NTRK2: variants seen among roughly 807,000 people sequenced by gnomAD.
NTRK2 encodes neurotrophic receptor tyrosine kinase 2, also known as BDNF/NT-3 growth factors receptor.
A neutral mutation model predicts 94.5 loss-of-function variants in NTRK2; 13 were observed. That is an observed-to-expected ratio of 0.14 (90% CI 0.09 to 0.22). NTRK2 has a LOEUF of 0.22. Ranked by LOEUF, NTRK2 falls within the 10% of genes least tolerant of loss-of-function variation. The pLI is 1.00. For missense variants in NTRK2, 639 were observed against 1,071.2 expected, an observed-to-expected ratio of 0.60 and a Z score of 5.63; for synonymous variants, 372 against 407.4, an observed-to-expected ratio of 0.91 and a Z score of 1.05.
chr9:84,763,860 C>T (rs1452102080), intron 12 of NTRK2, among the ~76,000 whole-genome samples: 1 of 151,186 alleles, frequency 6.6e-6, no homozygotes, highest in African/African-American at 2.4e-5. Context: ...TTTCTTTGGT[C>T]CCTTGCAGTC....
At chr9:84,969,066 T>G (rs1053483786) in intron 17 of NTRK2, among the ~76,000 whole-genome samples, 2 of 152,230 alleles carry the variant, frequency 1.3e-5, no homozygotes, top group African/African-American at 4.8e-5. Flanking sequence ...CCACACTTCA[T>G]GCATTGTTGG....
rs201285049 is a variant in NTRK2, at chr9:84,874,369, T to A, written c.1633+6938T>A. 59 of 1,065,304 alleles carry A rather than the reference T, an allele frequency of 5.5e-5. 2 individuals are homozygous for A. In the South Asian group the frequency reaches 2.4e-3, roughly 44 times the overall value. The allele number at this position is 1,065,304 out of a possible 1,614,324, so 66.0% of individuals were successfully genotyped here. ...CAGCTATTATAACAAAGTGAAGGTT[T>A]TCTCCCTGGGAAATGCAGCTTTTCT... On this transcript the variant is annotated intron_variant, in intron 14 of 18. Coordinates refer to ENST00000277120, the MANE Select transcript of NTRK2 (RefSeq NM_006180.6).
intron 6 of NTRK2, among the ~76,000 whole-genome samples, chr9:84,714,640 T>TG (rs1310422560): frequency 6.6e-6 from 1 of 152,214 alleles, no homozygotes; most frequent in Non-Finnish European, 1.5e-5. Flanking sequence ...TTAAATTCTC[T>TG]GGAATTCTGT....
intron 17 of NTRK2, among the ~76,000 whole-genome samples, chr9:84,977,821 G>A (rs899982501): frequency 6.6e-6 from 1 of 152,170 alleles, no homozygotes; most frequent in Non-Finnish European, 1.5e-5. Context: ...AACTGCATGG[G>A]CTCACTTCAT....
At chr9:84,995,171 T>C (rs1347471103) in intron 17 of NTRK2, among the ~76,000 whole-genome samples, 3 of 152,318 alleles carry the variant, frequency 2.0e-5, no homozygotes, top group Admixed American at 1.3e-4. Flanking sequence ...AGGTTCCTAC[T>C]GAGACATATC....
chr9:84,737,054 C>T (rs1169926513), intron 9 of NTRK2, among the ~76,000 whole-genome samples: 1 of 152,168 alleles, frequency 6.6e-6, no homozygotes, highest in East Asian at 1.9e-4. Context: ...AAATATTTTT[C>T]AGGATCACAT....
In NTRK2 at chr9:84,839,136, C is replaced by G. The variant is rs560665100; in HGVS notation, c.1397-21904C>G. 4.6e-5 allele frequency among the ~76,000 whole-genome samples: 7 copies of G among 152,290 alleles called. No individual in the cohort carries two copies. In the South Asian group the frequency reaches 1.2e-3, roughly 27 times the overall value. ...ACCCATTTGTGGTTTGGTGGTCAAC[C>G]TAATGGGTATCTTTGTCAGAAAGTT... On this transcript the variant is annotated intron_variant, in intron 12 of 18. Transcript: ENST00000277120.
intron 6 of NTRK2, among the ~76,000 whole-genome samples, chr9:84,715,797 A>T (rs1271754495): frequency 6.6e-6 from 1 of 152,118 alleles, no homozygotes; most frequent in African/African-American, 2.4e-5. Context: ...ATTTCTGCTC[A>T]ATTCCTGCAC....
chr9:84,684,169 C>A (rs2059570396), intron 2 of NTRK2, among the ~76,000 whole-genome samples: 1 of 152,014 alleles, frequency 6.6e-6, no homozygotes, highest in Admixed American at 6.6e-5. Flanking sequence ...ATGATAGTTT[C>A]TTTTGCTGTG....
intron 10 of NTRK2, among the ~76,000 whole-genome samples, 169 bp downstream of exon 10, chr9:84,742,096 C>T (rs1245610409): frequency 6.6e-6 from 1 of 152,182 alleles, no homozygotes; most frequent in African/African-American, 2.4e-5. Flanking sequence ...GCCGTTTTCC[C>T]TTGACATTTA....
At chr9:84,904,747 G>A (rs1220638786) in intron 14 of NTRK2, among the ~76,000 whole-genome samples, 5 of 152,156 alleles carry the variant, frequency 3.3e-5, no homozygotes, top group Non-Finnish European at 4.4e-5. Flanking sequence ...GGTGGTTAGA[G>A]TATGAAGATA....
chr9:84,698,326 C>T (rs1002164181), intron 2 of NTRK2, among the ~76,000 whole-genome samples: 2 of 152,038 alleles, frequency 1.3e-5, no homozygotes, highest in Non-Finnish European at 2.9e-5. Flanking sequence ...TGCTTATCTT[C>T]TTTCTCACTT....
chr9:84,926,176 TTCTTTCTTTC>T (rs2077796243), intron 14 of NTRK2, among the ~76,000 whole-genome samples: 1 of 66,578 alleles, frequency 1.5e-5, no homozygotes, highest in Non-Finnish European at 3.5e-5. Flanking sequence ...CTTCCTTTCT[TTCTTTCTTTC>T]TTTCTTTCTT....
intron 15 of NTRK2, among the ~76,000 whole-genome samples, chr9:84,940,972 C>T (rs1042776875): frequency 6.6e-6 from 1 of 151,998 alleles, no homozygotes; most frequent in Admixed American, 6.6e-5. Flanking sequence ...AATACTTGTT[C>T]CCAAAAAATG....
intron 12 of NTRK2, among the ~76,000 whole-genome samples, chr9:84,856,998 G>A (rs1212248507): frequency 2.6e-5 from 4 of 152,046 alleles, no homozygotes; most frequent in Non-Finnish European, 5.9e-5. Flanking sequence ...TTTCTTCCAC[G>A]TTGCCTGTTC....
chr9:85,013,510 T>G (rs1329917522), intron 17 of NTRK2, among the ~76,000 whole-genome samples: 1 of 152,018 alleles, frequency 6.6e-6, no homozygotes, highest in Non-Finnish European at 1.5e-5. Flanking sequence ...ACCATGTTGG[T>G]CAGGCTGGTC....
intron 14 of NTRK2, chr9:84,873,760 T>C: frequency 9.5e-7 from 1 of 1,056,490 alleles, no homozygotes. Flanking sequence ...CATCTGACCA[T>C]TGGGTAATAT....
At chr9:84,941,320 C>T (rs908702119) in intron 15 of NTRK2, among the ~76,000 whole-genome samples, 3 of 152,184 alleles carry the variant, frequency 2.0e-5, no homozygotes, top group Non-Finnish European at 4.4e-5. Context: ...TATTAAGTTC[C>T]TATATCAATA....
At chr9:84,944,211 TCTCTCA>T (rs1373717275) in intron 15 of NTRK2, among the ~76,000 whole-genome samples, 22 of 138,928 alleles carry the variant, frequency 1.6e-4, no homozygotes, top group African/African-American at 3.2e-4. Flanking sequence ...TCTCTCTCTC[TCTCTCA>T]CACACACACA....
Sources: allele counts gnomAD v4.1 joint callset (sites outside exome capture counted in the v4.1 genomes callset), GRCh38; gene constraint gnomAD v4.1.1; transcripts MANE v1.5; gene names NCBI Gene and HGNC (gene_info 2026-07-23, HGNC 2026-07-21).